Variants in GLI3 observed in about 807,000 individuals in gnomAD.
GLI3 encodes the protein transcription activator GLI3.
Under a neutral mutation model 100.8 loss-of-function variants are expected in GLI3, and 20 were observed. The ratio of observed to expected loss-of-function variants is 0.20; its 90% CI spans 0.14 to 0.29. The LOEUF (loss-of-function observed/expected upper bound fraction) is 0.29. Ranked by LOEUF, GLI3 falls within the 10% of genes least tolerant of loss-of-function variation. The pLI, the probability that GLI3 is intolerant of heterozygous loss-of-function variation, is 1.00. For synonymous variants in GLI3, 938 were observed against 860.5 expected (o/e 1.09, Z -1.58); for missense variants, 2,040 against 2,128.5 (o/e 0.96, Z 0.82).
chr7:42,011,001 T>A (rs978196626), intron 10 of GLI3, among the ~76,000 whole-genome samples: 6 of 152,202 alleles, frequency 3.9e-5, no homozygotes, highest in African/African-American at 1.4e-4. Flanking sequence ...TACACCCCAT[T>A]CCTCTGAATC....
At chr7:41,998,746 C>T (rs2128720798) in intron 10 of GLI3, among the ~76,000 whole-genome samples, 1 of 152,354 alleles carries the variant, frequency 6.6e-6, no homozygotes, top group South Asian at 2.1e-4. Context: ...CTCTACATTA[C>T]TCACCAAATT....
chr7:42,245,867 A>G (rs2128709661), intron 1 of GLI3, among the ~76,000 whole-genome samples: 1 of 150,916 alleles, frequency 6.6e-6, no homozygotes, highest in African/African-American at 2.4e-5. Flanking sequence ...TGTTAAATGA[A>G]AGAAACAGAG....
chr7:42,202,319 G>GTCTCTCTCTCTC (rs35402770), intron 2 of GLI3, among the ~76,000 whole-genome samples: 1 of 124,740 alleles, frequency 8.0e-6, no homozygotes, highest in African/African-American at 3.1e-5. Flanking sequence ...CATAGAATCT[G>GTCTCTCTCTCTC]TCTCTCTCTC....
At chr7:42,036,838 C>G (rs550231369) in intron 7 of GLI3, among the ~76,000 whole-genome samples, 24 of 152,186 alleles carry the variant, frequency 1.6e-4, no homozygotes, top group Middle Eastern at 3.4e-3. Flanking sequence ...ACCCACTGGG[C>G]TTATGTGTAA....
chr7:42,223,299 A>G lies in GLI3; in HGVS notation c.-42-4T>C, dbSNP rs549967907. 1.3e-4 allele frequency: 200 copies of G among 1,591,940 alleles called. 1 individual carries two copies. The South Asian group carries it at 2.0e-3, about 16-fold the overall frequency. On this transcript the variant is annotated splice_polypyrimidine_tract_variant and splice_region_variant and intron_variant, in intron 1 of 14. Coordinates refer to ENST00000395925, the MANE Select transcript of GLI3 (RefSeq NM_000168.6). ...GCTCTCTTCGACCAAAAATGCCCTA[A>G]AGAAAACAACAGAGCCATCAACTTT...
rs746634828 is a variant in GLI3 at position 41,965,322 on chromosome 7, C to A, written c.3751G>T (p.Ala1251Ser). 5 of 1,613,862 alleles carry A rather than the reference C, an allele frequency of 3.1e-6. No homozygotes were observed. In the Admixed American group the frequency reaches 5.0e-5, roughly 16 times the overall value. The change falls in exon 15 of 15, where the codon GCC becomes TCC. Residue 1251 changes from alanine (A) to serine (S), a missense_variant. By Grantham distance (99) the Ala-to-Ser change is moderately conservative (BLOSUM62 1). Coordinates refer to ENST00000395925, the MANE Select transcript of GLI3 (RefSeq NM_000168.6). ...GNAFHEQPCKAPQYGNCLNRQ... is the reference protein window; with the variant it reads ...GNAFHEQPCKSPQYGNCLNRQ... ...TTGAGACAGTTCCCATACTGCGGGGCCTTACAGGGCTGTTCATGGAAGGCG... is the reference window on the plus strand; with the variant it reads ...TTGAGACAGTTCCCATACTGCGGGGACTTACAGGGCTGTTCATGGAAGGCG...
chr7:42,235,040 C>A (rs1454040647), intron 1 of GLI3, among the ~76,000 whole-genome samples: 1 of 152,108 alleles, frequency 6.6e-6, no homozygotes, highest in Non-Finnish European at 1.5e-5. Context: ...AAACCAGTCC[C>A]GGCAGCTTTA....
At chr7:42,160,955 C>G (rs1787118284) in intron 2 of GLI3, among the ~76,000 whole-genome samples, 1 of 152,148 alleles carries the variant, frequency 6.6e-6, no homozygotes, top group African/African-American at 2.4e-5. Flanking sequence ...TCTGGTCAAG[C>G]CCCAAATCAA....
intron 1 of GLI3, among the ~76,000 whole-genome samples, chr7:42,246,594 G>A (rs1004978705): frequency 2.0e-5 from 3 of 150,798 alleles, no homozygotes; most frequent in African/African-American, 7.4e-5. Flanking sequence ...TTTTAAAAGA[G>A]CAGAACTGTA....
rs75313224 is a variant in GLI3 at position 41,964,467 on chromosome 7, A to T, written c.4606T>A (p.Ser1536Thr). ...SIIQNLSHSSSRLTTPRASLP... is the reference protein window; with the variant it reads ...SIIQNLSHSSTRLTTPRASLP... ...GACGCCCGAGGCGTGGTGAGGCGGG[A>T]GGAGCTATGGGAAAGGTTCTGAATG... is the stretch of plus-strand genomic sequence containing the variant. The change falls in exon 15 of 15, where the codon TCC (serine) becomes ACC (threonine). Residue 1536 changes from serine (S) to threonine (T), a missense_variant. This residue lies in a region of GLI3 where 1,041 missense variants were observed against 924.0 expected (regional missense o/e 1.13). Transcript: ENST00000395925. The T allele has an allele frequency of 6.2e-7, 1 of 1,614,078 alleles. No individual in the cohort carries two copies. Among genetic ancestry groups the T allele is most frequent in the Middle Eastern group, 1.7e-4 (1 of 6,058 alleles).
At chr7:42,205,105 C>G (rs1348832152) in intron 2 of GLI3, among the ~76,000 whole-genome samples, 5 of 152,314 alleles carry the variant, frequency 3.3e-5, no homozygotes, top group Admixed American at 3.3e-4. Flanking sequence ...GACGGTGACA[C>G]TTCTTATCTT....
chr7:42,085,385 A>G (rs1485382727), intron 3 of GLI3, among the ~76,000 whole-genome samples: 1 of 152,194 alleles, frequency 6.6e-6, no homozygotes, highest in African/African-American at 2.4e-5. Context: ...TGAAAGCAAA[A>G]TAAGATAGTA....
chr7:42,097,667 T>C (rs1785369812), intron 3 of GLI3, among the ~76,000 whole-genome samples: 2 of 152,236 alleles, frequency 1.3e-5, no homozygotes, highest in Admixed American at 1.3e-4. Flanking sequence ...GCCTTTGTCC[T>C]TTGAAAGAAG....
At chr7:42,114,099 C>T (rs1313785504) in intron 3 of GLI3, among the ~76,000 whole-genome samples, 1 of 152,218 alleles carries the variant, frequency 6.6e-6, no homozygotes, top group East Asian at 1.9e-4. Flanking sequence ...TGAGATGGCA[C>T]CCCTCAAAAG....
intron 12 of GLI3, among the ~76,000 whole-genome samples, chr7:41,973,279 C>T (rs1265578739): frequency 1.3e-5 from 2 of 152,130 alleles, no homozygotes; most frequent in East Asian, 3.9e-4. Flanking sequence ...GTTGGAAAGC[C>T]CTGTTACAGA....
chr7:42,258,560 A>G (rs889142566), intron 1 of GLI3, among the ~76,000 whole-genome samples: 5 of 152,150 alleles, frequency 3.3e-5, no homozygotes, highest in Non-Finnish European at 7.4e-5. Context: ...CTCTTCTTCC[A>G]TTTGGGCTAC....
At chr7:41,987,101 G>GACACACACACACACACACACACACAC (rs34005460) in intron 10 of GLI3, among the ~76,000 whole-genome samples, 1 of 140,614 alleles carries the variant, frequency 7.1e-6, no homozygotes, top group Non-Finnish European at 1.5e-5. Context: ...CACAGACACA[G>GACACACACACACACACACACACACAC]ACACACACAC....
At chr7:42,101,996 C>T (rs1785474544) in intron 3 of GLI3, among the ~76,000 whole-genome samples, 1 of 151,576 alleles carries the variant, frequency 6.6e-6, no homozygotes, top group African/African-American at 2.4e-5. Context: ...TCATCCATGT[C>T]CCTACAAAGG....
rs1354642455 is a variant in GLI3 at position 41,963,188 on chromosome 7, G to A, written c.*1142C>T. 6.6e-6 allele frequency: 1 copy of A among 152,098 alleles called. No individual in the cohort carries two copies. Among genetic ancestry groups the A allele is most frequent in the Admixed American group, 6.5e-5 (1 of 15,278 alleles). 9.4% of individuals were successfully genotyped at this position (152,098 alleles called of 1,614,324 possible). On this transcript the variant is annotated 3_prime_UTR_variant, in exon 15 of 15. Transcript: ENST00000395925. ...TGAAGCAATTTATTCCCACTATGTGGGCTTTCTCTTTTACAACTAAGTTTT... is the reference window on the plus strand; with the variant it reads ...TGAAGCAATTTATTCCCACTATGTGAGCTTTCTCTTTTACAACTAAGTTTT...
Sources: gnomAD v4.1 joint callset for allele counts (sites outside exome capture counted in the v4.1 genomes callset) on GRCh38, gnomAD v4.1.1 for gene constraint, gnomAD v4.1.1 regional missense constraint, MANE v1.5 for transcripts, NCBI Gene and HGNC (gene_info 2026-07-23, HGNC 2026-07-21) for gene names.